Variants in RIT2 observed in about 807,000 individuals in gnomAD.
RIT2 encodes Ras like without CAAX 2, also known as GTP-binding protein Rit2.
In RIT2, 24 loss-of-function variants were observed where a neutral mutation model predicts 23.7. That is an observed-to-expected ratio of 1.01 (90% CI 0.73 to 1.43). The LOEUF is 1.43. RIT2 is among the 40% of genes most tolerant of loss of function. RIT2 has a pLI of 0.00. For synonymous variants in RIT2, 107 were observed against 91.1 expected (o/e 1.17, Z -0.99); for missense variants, 236 against 266.9 (o/e 0.88, Z 0.81).
intron 4 of RIT2, among the ~76,000 whole-genome samples, chr18:42,811,019 A>T (rs1466993125): frequency 1.3e-5 from 2 of 152,030 alleles, no homozygotes; most frequent in Admixed American, 1.3e-4. Flanking sequence ...TTGGGATGAT[A>T]GACTCATTCC....
chr18:42,859,471 G>A (rs993245853), intron 4 of RIT2, among the ~76,000 whole-genome samples: 3 of 152,046 alleles, frequency 2.0e-5, no homozygotes, highest in Admixed American at 1.3e-4. Context: ...AAAGATATGT[G>A]ATTTTTCCAA....
intron 4 of RIT2, among the ~76,000 whole-genome samples, chr18:42,830,800 A>G (rs959098302): frequency 6.6e-6 from 1 of 152,178 alleles, no homozygotes; most frequent in African/African-American, 2.4e-5. Flanking sequence ...ATAGGTTTAT[A>G]ATAAGTGCTT....
At chr18:42,843,921 G>A (rs1568010639) in intron 4 of RIT2, among the ~76,000 whole-genome samples, 2 of 152,178 alleles carry the variant, frequency 1.3e-5, no homozygotes, top group Non-Finnish European at 2.9e-5. Context: ...ATTTGAGTAA[G>A]AGAAAATATG....
intron 1 of RIT2, among the ~76,000 whole-genome samples, chr18:43,089,132 A>C (rs1913357311): frequency 6.6e-6 from 1 of 152,066 alleles, no homozygotes; most frequent in Non-Finnish European, 1.5e-5. Flanking sequence ...AAAGAAATAA[A>C]GGGCATCCAA....
intron 3 of RIT2, among the ~76,000 whole-genome samples, chr18:42,941,847 TGAA>T (rs1242296241): frequency 2.0e-5 from 3 of 152,068 alleles, no homozygotes; most frequent in Non-Finnish European, 2.9e-5. Context: ...AACCCTATAA[TGAA>T]GAGACTAAGG....
intron 4 of RIT2, among the ~76,000 whole-genome samples, chr18:42,881,630 ACT>A (rs768526969): frequency 3.9e-5 from 6 of 151,978 alleles, no homozygotes; most frequent in Non-Finnish European, 7.4e-5. Flanking sequence ...TCCTCTGCAT[ACT>A]CTGTTATCTT....
At chr18:42,929,752 C>CT (rs1298392573) in intron 3 of RIT2, among the ~76,000 whole-genome samples, 2 of 152,114 alleles carry the variant, frequency 1.3e-5, no homozygotes, top group Non-Finnish European at 2.9e-5. Flanking sequence ...CCCTGGGCAG[C>CT]TGCAGCAATT....
intron 2 of RIT2, among the ~76,000 whole-genome samples, chr18:42,992,216 C>T (rs1910868466): frequency 6.6e-6 from 1 of 152,144 alleles, no homozygotes; most frequent in South Asian, 2.1e-4. Flanking sequence ...CACACGTGAC[C>T]TAAAACCTAA....
intron 2 of RIT2, among the ~76,000 whole-genome samples, chr18:43,016,967 T>C (rs1457016733): frequency 1.3e-5 from 2 of 151,922 alleles, no homozygotes; most frequent in African/African-American, 4.8e-5. Flanking sequence ...AAGCTCTTCT[T>C]TGAAGAGGCC....
intron 2 of RIT2, among the ~76,000 whole-genome samples, chr18:42,991,594 A>C (rs1910849836): frequency 6.7e-6 from 1 of 150,086 alleles, no homozygotes; most frequent in Admixed American, 6.7e-5. Flanking sequence ...ATGACATTCC[A>C]CCACAAAAGA....
At chr18:43,023,223 T>A (rs1335975976) in intron 2 of RIT2, among the ~76,000 whole-genome samples, 1 of 152,090 alleles carries the variant, frequency 6.6e-6, no homozygotes, top group Non-Finnish European at 1.5e-5. Flanking sequence ...GAATTTCCAA[T>A]TATGATTTCT....
At chr18:42,887,839 G>T (rs1445957748) in intron 4 of RIT2, among the ~76,000 whole-genome samples, 1 of 152,114 alleles carries the variant, frequency 6.6e-6, no homozygotes, top group African/African-American at 2.4e-5. Context: ...AAAGAAATGA[G>T]CTATTAAGTT....
chr18:42,765,069 TTTTACCATGTTTC>T (rs1430708799), intron 4 of RIT2, among the ~76,000 whole-genome samples: 3 of 152,332 alleles, frequency 2.0e-5, no homozygotes, highest in Middle Eastern at 3.4e-3. Context: ...TATCCATTAA[TTTTACCATGTTTC>T]TGTAGCTGAT....
At chr18:43,016,112 A>G (rs544977633) in intron 2 of RIT2, among the ~76,000 whole-genome samples, 54 of 151,972 alleles carry the variant, frequency 3.6e-4, no homozygotes, top group Middle Eastern at 6.8e-3. Context: ...AAAAGTGAGA[A>G]TTTGTTTAAT....
intron 2 of RIT2, among the ~76,000 whole-genome samples, chr18:43,006,713 A>G (rs1362153141): frequency 6.6e-6 from 1 of 151,630 alleles, no homozygotes; most frequent in Non-Finnish European, 1.5e-5. Context: ...CATGACATGC[A>G]AAGAAGTTCC....
chr18:43,036,327 G>T (rs1911974654), intron 1 of RIT2, among the ~76,000 whole-genome samples: 2 of 152,134 alleles, frequency 1.3e-5, no homozygotes, highest in South Asian at 4.1e-4. Flanking sequence ...ATCACCTGAG[G>T]TCAGGAGTCC....
At chr18:43,012,057 A>T (rs144613589) in intron 2 of RIT2, among the ~76,000 whole-genome samples, 366 of 151,904 alleles carry the variant, frequency 2.4e-3, no homozygotes, top group Non-Finnish European at 4.3e-3. Flanking sequence ...CGAATTCTGT[A>T]ACCCTAGGAC....
At chr18:43,027,408 A>G (rs1451392235) in intron 2 of RIT2, among the ~76,000 whole-genome samples, 1 of 152,108 alleles carries the variant, frequency 6.6e-6, no homozygotes, top group Non-Finnish European at 1.5e-5. Flanking sequence ...TATTGTTTTG[A>G]GCAAGATTTT....
chr18:43,029,132 T>C (rs908003410), intron 2 of RIT2, among the ~76,000 whole-genome samples: 1 of 152,074 alleles, frequency 6.6e-6, no homozygotes, highest in Non-Finnish European at 1.5e-5. Context: ...ACTCTATATA[T>C]AGCATTTTAT....
Sources: allele counts gnomAD v4.1 joint callset (sites outside exome capture counted in the v4.1 genomes callset), GRCh38; gene constraint gnomAD v4.1.1; transcripts MANE v1.5; gene names NCBI Gene and HGNC (gene_info 2026-07-23, HGNC 2026-07-21).